CDKL4: variants seen among roughly 807,000 people sequenced by gnomAD.
The protein encoded by CDKL4 is cyclin dependent kinase like 4.
CDKL4 carries 44 observed loss-of-function variants against 42.0 expected under a neutral mutation model. That is an observed-to-expected ratio of 1.05 (90% CI 0.82 to 1.35). CDKL4 has a LOEUF of 1.35. Among genes scored for constraint, CDKL4 ranks in the 40% most tolerant of loss-of-function variants. The pLI, the probability that CDKL4 is intolerant of heterozygous loss-of-function variation, is 0.00. For missense variants in CDKL4, 393 were observed against 369.9 expected, an observed-to-expected ratio of 1.06 and a Z score of -0.51; for synonymous variants, 120 against 121.6, an observed-to-expected ratio of 0.99 and a Z score of 0.09.
chr2:39,217,156 A>G (rs985827328), intron 3 of CDKL4, among the ~76,000 whole-genome samples: 13 of 152,226 alleles, frequency 8.5e-5, no homozygotes, highest in Admixed American at 7.2e-4. Flanking sequence ...AGCATCTTGG[A>G]GCAAAATGAA....
intron 7 of CDKL4, among the ~76,000 whole-genome samples, chr2:39,186,985 G>A (rs1675865238): frequency 6.6e-6 from 1 of 152,166 alleles, no homozygotes; most frequent in African/African-American, 2.4e-5. Context: ...TTCAATATGT[G>A]TGATATGGTT....
Position 39,184,576 on chromosome 2 carries a change from T to A in CDKL4, c.792+15A>T. On this transcript the variant is annotated intron_variant, in intron 8 of 9. Transcript: ENST00000451199. The stretch of plus-strand genomic sequence containing the variant: ...AATTTATAGCTAATAAGAGTTATAA[T>A]TGATTCTTAAGTACCTTCATGAAGT... 1 of 1,593,674 alleles carries A rather than the reference T, an allele frequency of 6.3e-7. No homozygotes were observed. The highest frequency in any genetic ancestry group is 8.6e-7 in the Non-Finnish European group (1 of 1,163,274).
chr2:39,168,539 C>T, the CDKL4 span, among the ~76,000 whole-genome samples: 1 of 151,996 alleles, frequency 6.6e-6, no homozygotes, highest in Non-Finnish European at 1.5e-5. Context: ...AGTTCAAGAC[C>T]AGCCTGGTCA....
In CDKL4 at chr2:39,184,519, C is replaced by T. The variant is rs561615716; in HGVS notation, c.792+72G>A. ...TTGGCATTATTTAATCCACTGTCCACCCCTCCTCAAATTACCAGCTTCAGT... is the reference window on the plus strand; with the variant it reads ...TTGGCATTATTTAATCCACTGTCCATCCCTCCTCAAATTACCAGCTTCAGT... On this transcript the variant is annotated intron_variant, in intron 8 of 9. Transcript: ENST00000451199. 5.9e-5 allele frequency: 62 copies of T among 1,044,402 alleles called. 2 individuals carry two copies. The South Asian group carries it at 7.7e-4, about 13-fold the overall frequency. The allele number at this position is 1,044,402 out of a possible 1,614,324, so 64.7% of individuals were successfully genotyped here.
intron 1 of CDKL4, among the ~76,000 whole-genome samples, chr2:39,237,770 T>C (rs996318440): frequency 3.3e-5 from 5 of 152,166 alleles, no homozygotes; most frequent in Admixed American, 6.5e-5. Flanking sequence ...AGTAAAACTG[T>C]CATTATTCAG....
chr2:39,205,693 G>A (rs1677122268), intron 4 of CDKL4, among the ~76,000 whole-genome samples: 1 of 141,046 alleles, frequency 7.1e-6, no homozygotes. Context: ...CCGGGAGGCA[G>A]AGCTTGCGGT....
At chr2:39,188,534 C>A (rs867817113) in intron 6 of CDKL4, among the ~76,000 whole-genome samples, 13 of 118,472 alleles carry the variant, frequency 1.1e-4, no homozygotes, top group African/African-American at 3.8e-4. Context: ...TGCACTCCAG[C>A]CTGGCAACAG....
rs1168589652 is a variant in CDKL4, at chr2:39,185,851, T to C, written c.736-1204A>G. Among the ~76,000 whole-genome samples, 6 of 152,300 alleles carry C rather than the reference T, an allele frequency of 3.9e-5. No individual in the cohort carries two copies. In the East Asian group the frequency reaches 9.6e-4, roughly 24 times the overall value. On this transcript the variant is annotated intron_variant, in intron 7 of 9. Transcript: ENST00000451199. ...TAAAACTGAAGTTAATTTTCTTAATTTCACAATGTCTTGCAGTTGATGCTG... is the reference window on the plus strand; with the variant it reads ...TAAAACTGAAGTTAATTTTCTTAATCTCACAATGTCTTGCAGTTGATGCTG...
intron 9 of CDKL4, among the ~76,000 whole-genome samples, chr2:39,177,295 G>C (rs893200719): frequency 2.6e-5 from 4 of 152,122 alleles, no homozygotes; most frequent in Non-Finnish European, 5.9e-5. Flanking sequence ...GGCAAGGCAA[G>C]GTCTGTGACA....
At chr2:39,226,747 G>A (rs934675822) in intron 2 of CDKL4, among the ~76,000 whole-genome samples, 1 of 151,806 alleles carries the variant, frequency 6.6e-6, no homozygotes, top group Non-Finnish European at 1.5e-5. Flanking sequence ...TCTGTAACTA[G>A]GGTGACCACA....
chr2:39,203,957 A>G (rs1324135229), intron 5 of CDKL4, among the ~76,000 whole-genome samples: 3 of 152,166 alleles, frequency 2.0e-5, no homozygotes, highest in Admixed American at 6.5e-5. Context: ...TGCGAGGTGT[A>G]TGTTGCTAAT....
At chr2:39,188,560 CAAAAAAAAAAAAAAAAA>C (rs34568815) in intron 6 of CDKL4, among the ~76,000 whole-genome samples, 3 of 45,240 alleles carry the variant, frequency 6.6e-5, no homozygotes, top group South Asian at 3.2e-3. Context: ...CAGTCCGTCT[CAAAAAAAAAAAAAAAAA>C]AAAAAAAAAA....
upstream of CDKL4, among the ~76,000 whole-genome samples, chr2:39,245,987 A>G (rs1679897710): frequency 6.6e-6 from 1 of 152,234 alleles, no homozygotes; most frequent in African/African-American, 2.4e-5. Context: ...GAGATAATGT[A>G]TTACTTGGGA....
At chr2:39,236,855 G>A (rs566194965) in intron 1 of CDKL4, among the ~76,000 whole-genome samples, 1 of 152,236 alleles carries the variant, frequency 6.6e-6, no homozygotes, top group Non-Finnish European at 1.5e-5. Context: ...ATAGAAATCT[G>A]ATTACAACCA....
intron 4 of CDKL4, among the ~76,000 whole-genome samples, chr2:39,208,261 A>C (rs1421466507): frequency 1.3e-5 from 2 of 152,176 alleles, no homozygotes; most frequent in African/African-American, 2.4e-5. Flanking sequence ...TGCCTCTTGC[A>C]ATCAGCTTAT....
At position 39,185,166 on chromosome 2, in the gene CDKL4, GTA is replaced by G. The variant is rs796281348; in HGVS notation, c.736-521_736-520del. Among the ~76,000 whole-genome samples, 351 of 118,756 alleles carry G rather than the reference GTA, an allele frequency of 3.0e-3. 24 individuals carry two copies. The highest frequency in any genetic ancestry group is 5.5e-3 in the East Asian group (23 of 4,170). 77.9% of individuals were successfully genotyped at this position (118,756 alleles called of 152,430 possible). ...TATATGTGTATATATATACACATATGTATATATATACATATGTGTATATACAT... is the reference window on the plus strand; with the variant it reads ...TATATGTGTATATATATACACATATGTATATATACATATGTGTATATACAT... On this transcript the variant is annotated intron_variant, in intron 7 of 9. Coordinates refer to ENST00000451199, the Ensembl canonical transcript of CDKL4.
intron 1 of CDKL4, among the ~76,000 whole-genome samples, chr2:39,242,785 T>C (rs891165103): frequency 1.1e-4 from 16 of 152,064 alleles, no homozygotes; most frequent in African/African-American, 3.6e-4. Flanking sequence ...AGGAAACTCA[T>C]GTAAACAGTG....
In CDKL4 at chr2:39,229,463, T is replaced by A; in HGVS notation, c.70A>T (p.Lys24Ter). Residue 24 changes from lysine (K) to a stop codon, truncating the protein, a stop_gained, in exon 2 of 10, where the codon AAA (lysine) becomes TAA (stop). Coordinates refer to ENST00000451199, the Ensembl canonical transcript of CDKL4. LOFTEE classifies it high-confidence loss of function. ...ACAGCTACTACTTGTCCAGAGGTTT[T>A]GTTTCTGCATTTGAATACAACCCCA... 4 of 1,613,680 alleles carry A rather than the reference T, an allele frequency of 2.5e-6. No homozygotes were observed. Among genetic ancestry groups the A allele is most frequent in the Non-Finnish European group, 3.4e-6 (4 of 1,179,848 alleles).
intron 7 of CDKL4, among the ~76,000 whole-genome samples, chr2:39,186,011 A>G (rs1248788368): frequency 1.3e-5 from 2 of 152,186 alleles, no homozygotes; most frequent in African/African-American, 4.8e-5. Flanking sequence ...AGCACTACAG[A>G]AATCAAAAGA....
Sources: allele counts gnomAD v4.1 joint callset (sites outside exome capture counted in the v4.1 genomes callset), GRCh38; gene constraint gnomAD v4.1.1; transcripts MANE v1.5; gene names NCBI Gene and HGNC (gene_info 2026-07-23, HGNC 2026-07-21).